The following STX18 variants were observed in gnomAD, a reference collection of about 807,000 sequenced individuals.
The protein encoded by STX18 is syntaxin 18, also known as syntaxin-18.
A neutral mutation model predicts 50.1 loss-of-function variants in STX18; 40 were observed. The ratio of observed to expected loss-of-function variants is 0.80; its 90% CI spans 0.62 to 1.04. STX18 has a LOEUF of 1.04. STX18 is among the 50% of genes least tolerant of loss of function. STX18 has a pLI of 0.00. For missense variants in STX18, 410 were observed against 415.8 expected (o/e 0.99, Z 0.12); for synonymous variants, 158 against 151.8 (o/e 1.04, Z -0.30).
chr4:4,462,874 G>A (rs1727452610), intron 2 of STX18, among the ~76,000 whole-genome samples: 1 of 152,168 alleles, frequency 6.6e-6, no homozygotes, highest in South Asian at 2.1e-4. Context: ...GCTGGGAAAG[G>A]GGAAGGCTTA....
upstream of STX18, chr4:4,542,212 A>T: frequency 2.1e-6 from 1 of 472,242 alleles, no homozygotes; most frequent in Non-Finnish European, 3.7e-6. Context: ...TTCTCCCAGC[A>T]AAGCTTGGAG....
chr4:4,486,544 A>G (rs548392347), intron 1 of STX18, among the ~76,000 whole-genome samples: 1 of 152,344 alleles, frequency 6.6e-6, no homozygotes, highest in Admixed American at 6.5e-5. Flanking sequence ...TTTACAGATT[A>G]TTGCATTTAA....
At chr4:4,468,266 T>C (rs769045229) in intron 2 of STX18, among the ~76,000 whole-genome samples, 2 of 152,174 alleles carry the variant, frequency 1.3e-5, no homozygotes, top group Admixed American at 6.5e-5. Context: ...TTTCTCACCA[T>C]ACATTCCCTT....
Position 4,423,410 on chromosome 4 carries a change from C to T in STX18, c.831+108G>A, listed in dbSNP as rs1577307475. ...ACACACCTGCTAGCAACACATGGCT[C>T]TGCTCCTGGCTGTGTAGAGCAGCAG... On this transcript the variant is annotated intron_variant, in intron 9 of 10. Transcript: ENST00000306200. 4 of 1,056,806 alleles carry T rather than the reference C, an allele frequency of 3.8e-6. No individual in the cohort carries two copies. The Middle Eastern group carries it at 5.9e-4, about 157-fold the overall frequency. The allele number at this position is 1,056,806 out of a possible 1,614,324, so 65.5% of individuals were successfully genotyped here.
intron 1 of STX18, chr4:4,499,544 C>G (rs1729338834): frequency 1.0e-6 from 1 of 985,420 alleles, no homozygotes. Flanking sequence ...GCAAGCCTAG[C>G]ACTGATTAAA....
intron 1 of STX18, among the ~76,000 whole-genome samples, chr4:4,492,291 A>C (rs1728977783): frequency 6.6e-6 from 1 of 152,136 alleles, no homozygotes; most frequent in Non-Finnish European, 1.5e-5. Flanking sequence ...AACAGAAAGA[A>C]TTTTCCACAG....
chr4:4,425,166 C>T lies in STX18; in HGVS notation c.759G>A (p.Val253=). The T allele has an allele frequency of 6.2e-7, 1 of 1,614,012 alleles. No homozygotes were observed. ...TCACAGAGGAGCTACAAACATACCTCACTTCATCAAACAAGCTGTTCATTT... is the reference window on the plus strand; with the variant it reads ...TCACAGAGGAGCTACAAACATACCTTACTTCATCAAACAAGCTGTTCATTT... ...IGEMNSLFDE[V]RQIEGRVVEI... is the part of the protein sequence containing the mutation. The change falls in exon 8 of 11, where the codon GTG becomes GTA. Residue 253 remains valine (V), a splice_region_variant and synonymous_variant. Coordinates refer to ENST00000306200, the MANE Select transcript of STX18 (RefSeq NM_016930.4).
intron 1 of STX18, among the ~76,000 whole-genome samples, chr4:4,527,974 CCT>C (rs1188073247): frequency 6.6e-6 from 1 of 151,752 alleles, no homozygotes; most frequent in Non-Finnish European, 1.5e-5. Flanking sequence ...TCAGGGTCAC[CCT>C]GAGTGAGGCT....
At chr4:4,512,203 G>A (rs1229458440) in intron 1 of STX18, among the ~76,000 whole-genome samples, 3 of 152,136 alleles carry the variant, frequency 2.0e-5, no homozygotes, top group Admixed American at 2.0e-4. Context: ...ACTCCTACTT[G>A]TTTTGTCTGC....
In STX18 at chr4:4,490,029, T is replaced by A. The variant is rs148617090; in HGVS notation, c.169-18323A>T. Among the ~76,000 whole-genome samples the A allele has an allele frequency of 2.6e-5, 4 of 152,276 alleles. No homozygotes were observed. The East Asian group carries it at 7.7e-4, about 29-fold the overall frequency. ...GGTAAAGCATTTGAAACACCATACATACAAAAAATTTTCATTCATATTGCA... is the reference window on the plus strand; with the variant it reads ...GGTAAAGCATTTGAAACACCATACAAACAAAAAATTTTCATTCATATTGCA... On this transcript the variant is annotated intron_variant, in intron 1 of 10. Transcript: ENST00000306200.
chr4:4,542,252 T>C (rs928827683), upstream of STX18: 6 of 323,174 alleles, frequency 1.9e-5, no homozygotes, highest in Admixed American at 1.0e-4. Context: ...CTCAGCGAGC[T>C]CTTCTGTGTC....
chr4:4,439,129 C>T (rs1002679571), intron 5 of STX18, among the ~76,000 whole-genome samples: 1 of 115,032 alleles, frequency 8.7e-6, no homozygotes, highest in African/African-American at 3.4e-5. Flanking sequence ...TGTATACACA[C>T]AATATATATA....
intron 1 of STX18, among the ~76,000 whole-genome samples, chr4:4,503,321 A>G (rs1292735745): frequency 6.6e-6 from 1 of 152,182 alleles, no homozygotes; most frequent in Non-Finnish European, 1.5e-5. Context: ...CTACTTGCAC[A>G]CAACATCAGT....
intron 1 of STX18, among the ~76,000 whole-genome samples, chr4:4,484,104 C>T (rs930406368): frequency 5.3e-5 from 8 of 152,102 alleles, no homozygotes; most frequent in South Asian, 4.1e-4. Context: ...CCTCGTGATC[C>T]GCCCGCCTTG....
At position 4,420,803 on chromosome 4, in the gene STX18, AC is replaced by A; in HGVS notation, c.912+60del. Reference sequence around the variant, plus strand: ...GGGCAGCTGTGCCGGCGAGACTAACACCCGCTGCTGGGACTCAGTGCTGCGC... The same window carrying A: ...GGGCAGCTGTGCCGGCGAGACTAACACCGCTGCTGGGACTCAGTGCTGCGC... On this transcript the variant is annotated intron_variant, in intron 10 of 10. Transcript: ENST00000306200. This position sits in a 1 kb window ranked among gnomAD's most constrained non-coding sequence, Gnocchi z 4.3. The A allele has an allele frequency of 6.8e-7, 1 of 1,468,624 alleles. No individual in the cohort carries two copies. Among genetic ancestry groups the A allele is most frequent in the Non-Finnish European group, 9.5e-7 (1 of 1,049,106 alleles). 91.0% of individuals were successfully genotyped at this position (1,468,624 alleles called of 1,614,324 possible). A position where few individuals can be genotyped will look rare whatever the true frequency, so the allele number is the denominator to read the frequency against.
Position 4,457,450 on chromosome 4 carries a change from A to G in STX18, c.403T>C (p.Leu135=). The G allele has an allele frequency of 6.2e-7, 1 of 1,613,902 alleles. No homozygotes were observed. The highest frequency in any genetic ancestry group is 8.5e-7 in the Non-Finnish European group (1 of 1,179,928). The change falls in exon 4 of 11, where the codon TTG becomes CTG. Residue 135 remains leucine, a synonymous_variant. Coordinates refer to ENST00000306200, the MANE Select transcript of STX18 (RefSeq NM_016930.4). ...QQVKEHRTAV[L]DFIEDYLKRV... ...TTCAAGTAATCTTCAATGAAATCCA[A>G]AACAGCGGTCCTGTGCTCCTTCACT...
In STX18 at chr4:4,489,391, A is replaced by ATTTTTTTTTTTTTTTTTTTTT. The variant is rs34563523; in HGVS notation, c.169-17706_169-17686dup. On this transcript the variant is annotated intron_variant, in intron 1 of 10. Transcript: ENST00000306200. ...AGCACTTCAATACACATGCAAAATA[A>ATTTTTTTTTTTTTTTTTTTTT]TTTTTTTTTTTTTTTTTTTTTTTTT... 2.9e-4 allele frequency among the ~76,000 whole-genome samples: 15 copies of ATTTTTTTTTTTTTTTTTTTTT among 51,676 alleles called. 4 individuals are homozygous for ATTTTTTTTTTTTTTTTTTTTT. The highest frequency in any genetic ancestry group is 9.1e-4 in the Admixed American group (3 of 3,298). 33.9% of individuals were successfully genotyped at this position (51,676 alleles called of 152,430 possible).
rs889543160 is a variant in STX18, at chr4:4,531,376, T to C, written c.168+10421A>G. On this transcript the variant is annotated intron_variant, in intron 1 of 10. Coordinates refer to ENST00000306200, the MANE Select transcript of STX18 (RefSeq NM_016930.4). ...TGTATCTGTCTACAAAATTTTGCAGTTTGCTTCAACTAGGTCATTTACATT... is the reference window on the plus strand; with the variant it reads ...TGTATCTGTCTACAAAATTTTGCAGCTTGCTTCAACTAGGTCATTTACATT... Among the ~76,000 whole-genome samples the C allele has an allele frequency of 2.0e-5, 3 of 152,206 alleles. No homozygotes were observed. In the South Asian group the frequency reaches 6.2e-4, roughly 32 times the overall value.
At chr4:4,531,676 A>T (rs1731102745) in intron 1 of STX18, among the ~76,000 whole-genome samples, 1 of 152,204 alleles carries the variant, frequency 6.6e-6, no homozygotes, top group Non-Finnish European at 1.5e-5. Flanking sequence ...TTGCTCTTCA[A>T]GGATCTGCTC....
Sources: allele counts gnomAD v4.1 joint callset (sites outside exome capture counted in the v4.1 genomes callset), GRCh38; gene constraint gnomAD v4.1.1; non-coding constraint Gnocchi (gnomAD v3.1); transcripts MANE v1.5; gene names NCBI Gene and HGNC (gene_info 2026-07-23, HGNC 2026-07-21).